The following RMDN1 variants were observed in gnomAD, a reference collection of about 807,000 sequenced individuals.
RMDN1 encodes the protein regulator of microtubule dynamics 1, also known as regulator of microtubule dynamics protein 1.
A neutral mutation model predicts 48.9 loss-of-function variants in RMDN1; 48 were observed. The observed-to-expected ratio is 0.98, with a 90% CI of 0.78 to 1.25. RMDN1 has a LOEUF of 1.25. Ranked by LOEUF, RMDN1 falls within the 50% of genes most tolerant of loss-of-function variation. The probability of loss-of-function intolerance (pLI) is 0.00; values close to 1 mark genes in which losing one functional copy is unlikely to be tolerated. For missense variants in RMDN1, 418 were observed against 373.4 expected (o/e 1.12, Z -0.98); for synonymous variants, 148 against 132.6 (o/e 1.12, Z -0.80).
chr8:86,511,881 C>T (rs556250471), upstream of RMDN1, among the ~76,000 whole-genome samples: 1 of 150,020 alleles, frequency 6.7e-6, no homozygotes, highest in South Asian at 2.1e-4. Context: ...AAAAATGTGA[C>T]TGAAAGAGTG....
Position 86,485,007 on chromosome 8 carries a change from C to T in RMDN1, c.496-46G>A, listed in dbSNP as rs535316396. ...AAGAACAATAATATTCTTAATATTCCATTCAATACAAGGTAAAACTGTATA... is the reference window on the plus strand; with the variant it reads ...AAGAACAATAATATTCTTAATATTCTATTCAATACAAGGTAAAACTGTATA... On this transcript the variant is annotated intron_variant, in intron 4 of 9. Transcript: ENST00000406452. 7 of 1,063,396 alleles carry T rather than the reference C, an allele frequency of 6.6e-6. No homozygotes were observed. In the African/African-American group the frequency reaches 1.1e-4, roughly 17 times the overall value. The allele number at this position is 1,063,396 out of a possible 1,614,324, so 65.9% of individuals were successfully genotyped here.
rs1262127603 is a variant in RMDN1 at position 86,486,490 on chromosome 8, A to C, written c.489T>G (p.Ser163=). 2 of 1,597,416 alleles carry C rather than the reference A, an allele frequency of 1.3e-6. No homozygotes were observed. The highest frequency in any genetic ancestry group is 3.4e-5 in the Admixed American group (2 of 59,078). ...GCTTAGTTAAGCAACTCACCTTATG[A>C]GATGCAAAACTTGATTCATTTTTTT... The part of the protein sequence containing the change: ...ALEKNESSFA[S]HKWYAICLSD... The change falls in exon 4 of 10, where the codon TCT becomes TCG. Residue 163 remains serine, a synonymous_variant. Transcript: ENST00000406452.
chr8:86,491,610 G>C (rs7839601), intron 2 of RMDN1, among the ~76,000 whole-genome samples: 40,409 of 151,904 alleles, frequency 0.27, 6,256 homozygotes, highest in East Asian at 0.54. Context: ...CTATAAAACA[G>C]ACTAAACTTT....
chr8:86,480,750 T>C (rs2130682848), intron 5 of RMDN1, among the ~76,000 whole-genome samples: 1 of 152,244 alleles, frequency 6.6e-6, no homozygotes, highest in South Asian at 2.1e-4. Flanking sequence ...AGAAGAAAAG[T>C]GCATTTTAGT....
Position 86,474,336 on chromosome 8 carries a change from A to T in RMDN1, c.917T>A (p.Leu306Ter), listed in dbSNP as rs753803640. ...ATTCTTCTCACTGAAACTTGTAAGC[A>T]ACTGAGCAGCTTCTGTCTGTATCTA... ...DKQIQTEAAQ[L>*]LTSFSEKN Residue 306 changes from leucine to a stop codon, truncating the protein, a stop_gained, in exon 10 of 10, where the codon TTG becomes TAG. Coordinates refer to ENST00000406452, the MANE Select transcript of RMDN1 (RefSeq NM_016033.3). LOFTEE classifies it high-confidence loss of function. The T allele has an allele frequency of 3.7e-6, 6 of 1,613,384 alleles. No individual in the cohort carries two copies. The African/African-American group carries it at 8.0e-5, about 22-fold the overall frequency.
chr8:86,484,187 C>G (rs1337066982), intron 5 of RMDN1, among the ~76,000 whole-genome samples: 1 of 152,146 alleles, frequency 6.6e-6, no homozygotes, highest in Non-Finnish European at 1.5e-5. Flanking sequence ...TACATTGGAT[C>G]TTTTCCCATG....
At chr8:86,470,190 C>T (rs1409623784), downstream of RMDN1, 3 of 1,288,988 alleles carry the variant, frequency 2.3e-6, no homozygotes, top group Non-Finnish European at 3.0e-6. Context: ...TGTAATAACA[C>T]TTAGAACACA....
In RMDN1 at chr8:86,485,475, G is replaced by T. The variant is rs1307349472; in HGVS notation, c.496-514C>A. On this transcript the variant is annotated intron_variant, in intron 4 of 9. Transcript: ENST00000406452. ...ACCTCAGGGATAGGACATGTTTATA[G>T]AGAACTATAATACAAGGTAGAAAGT... is the stretch of plus-strand genomic sequence containing the variant. Among the ~76,000 whole-genome samples the T allele has an allele frequency of 2.0e-5, 3 of 152,136 alleles. No individual in the cohort carries two copies. In the East Asian group the frequency reaches 5.8e-4, roughly 29 times the overall value.
At chr8:86,474,707 T>C in intron 9 of RMDN1, 113 bp downstream of exon 9, 1 of 998,306 alleles carries the variant, frequency 1.0e-6, no homozygotes, top group Non-Finnish European at 1.6e-6. Context: ...ATGAACACAC[T>C]TGTTTTCAAC....
chr8:86,471,674 A>T (rs1812586380), downstream of RMDN1, among the ~76,000 whole-genome samples: 1 of 152,202 alleles, frequency 6.6e-6, no homozygotes, highest in Non-Finnish European at 1.5e-5. Flanking sequence ...GGAAGATATA[A>T]ATGAAAAGAG....
At chr8:86,505,135 AG>A in intron 2 of RMDN1, 5 of 1,294,978 alleles carry the variant, frequency 3.9e-6, no homozygotes, top group Non-Finnish European at 5.1e-6. Flanking sequence ...AGACCTCATC[AG>A]GATGAACCCA....
At chr8:86,470,125 A>G, downstream of RMDN1, 2 of 1,264,622 alleles carry the variant, frequency 1.6e-6, no homozygotes, top group Admixed American at 2.4e-5. Flanking sequence ...TATTCTACTC[A>G]TATCCTCAAA....
At chr8:86,484,836 T>A in intron 5 of RMDN1, 36 bp downstream of exon 5, 1 of 1,367,114 alleles carries the variant, frequency 7.3e-7, no homozygotes, top group East Asian at 2.3e-5. Context: ...AAAATATGAC[T>A]TTTAAAATTC....
At chr8:86,481,923 G>C (rs536904547) in intron 5 of RMDN1, 1 of 794,204 alleles carries the variant, frequency 1.3e-6, no homozygotes, top group East Asian at 2.6e-5. Context: ...CAGACACGAA[G>C]TGGAAAGATT....
Position 86,473,383 on chromosome 8 carries a change from C to T in RMDN1, c.*925G>A. On this transcript the variant is annotated 3_prime_UTR_variant, in exon 10 of 10. Transcript: ENST00000406452. ...AAAAACATCTTAGTATTCCATTTCACTCTTAAGTTTTGTGTTCCTTCCATT... is the reference window on the plus strand; with the variant it reads ...AAAAACATCTTAGTATTCCATTTCATTCTTAAGTTTTGTGTTCCTTCCATT... The T allele has an allele frequency of 2.0e-6, 2 of 985,418 alleles. No individual in the cohort carries two copies. Among genetic ancestry groups the T allele is most frequent in the Non-Finnish European group, 2.4e-6 (2 of 829,936 alleles). The allele number at this position is 985,418 out of a possible 1,614,324, so 61.0% of individuals were successfully genotyped here.
At chr8:86,479,996 C>T (rs921444015) in intron 6 of RMDN1, among the ~76,000 whole-genome samples, 3 of 152,078 alleles carry the variant, frequency 2.0e-5, no homozygotes, top group African/African-American at 7.2e-5. Context: ...ACTATAGTTA[C>T]ATTAATCTAA....
At chr8:86,480,462 T>A (rs565240383) in intron 5 of RMDN1, 130 bp from the exon 6 acceptor site, 1 of 503,440 alleles carries the variant, frequency 2.0e-6, no homozygotes, top group Admixed American at 3.6e-5. Context: ...CATTATAATA[T>A]CAACTTTCTT....
intron 2 of RMDN1, among the ~76,000 whole-genome samples, chr8:86,502,972 T>C (rs1818517441): frequency 6.6e-6 from 1 of 152,008 alleles, no homozygotes; most frequent in Non-Finnish European, 1.5e-5. Context: ...TAGGAAAAAA[T>C]ATATATACAT....
At chr8:86,503,685 T>A in intron 2 of RMDN1, 1 of 473,370 alleles carries the variant, frequency 2.1e-6, no homozygotes, top group South Asian at 1.7e-5. Context: ...CCTGAGATGA[T>A]CATAAAGGAA....
Sources: gnomAD v4.1 joint callset for allele counts (sites outside exome capture counted in the v4.1 genomes callset) on GRCh38, gnomAD v4.1.1 for gene constraint, MANE v1.5 for transcripts, NCBI Gene and HGNC (gene_info 2026-07-23, HGNC 2026-07-21) for gene names.